AUTS2: variants seen among roughly 807,000 people sequenced by gnomAD.
AUTS2 encodes activator of transcription and developmental regulator AUTS2.
Under a neutral mutation model 112.4 loss-of-function variants are expected in AUTS2, and 17 were observed. The observed-to-expected ratio is 0.15, with a 90% CI of 0.10 to 0.23. AUTS2 has a LOEUF of 0.23. Among genes scored for constraint, AUTS2 ranks in the 10% least tolerant of loss-of-function variants. The pLI is 1.00. For missense variants in AUTS2, 1,510 were observed against 1,701.6 expected (o/e 0.89, Z 1.98); for synonymous variants, 751 against 702.7 (o/e 1.07, Z -1.09).
At chr7:70,298,492 T>C (rs1031772588) in intron 4 of AUTS2, among the ~76,000 whole-genome samples, 1 of 152,206 alleles carries the variant, frequency 6.6e-6, no homozygotes. Context: ...CTTTTATCAC[T>C]AGATGTTCCC....
chr7:70,410,595 T>G (rs1164617510), intron 4 of AUTS2, among the ~76,000 whole-genome samples: 1 of 151,616 alleles, frequency 6.6e-6, no homozygotes, highest in Admixed American at 6.6e-5. Flanking sequence ...GGCTAATTTT[T>G]GTATGCTTTG....
intron 4 of AUTS2, among the ~76,000 whole-genome samples, chr7:70,406,602 A>G (rs1794546010): frequency 6.6e-6 from 1 of 152,208 alleles, no homozygotes; most frequent in South Asian, 2.1e-4. Flanking sequence ...AGCCATTACG[A>G]GGCTGCTGGG....
At chr7:70,440,289 T>C (rs913009198) in intron 5 of AUTS2, among the ~76,000 whole-genome samples, 8 of 150,220 alleles carry the variant, frequency 5.3e-5, no homozygotes, top group Non-Finnish European at 1.0e-4. Context: ...GTGCCTATAG[T>C]CCCAGCTAGT....
chr7:69,785,578 T>A (rs1010295792), intron 1 of AUTS2, among the ~76,000 whole-genome samples: 1 of 152,248 alleles, frequency 6.6e-6, no homozygotes, highest in African/African-American at 2.4e-5. Context: ...GCCATAGACA[T>A]AACTCAGGGG....
At chr7:70,381,448 A>G (rs1436673721) in intron 4 of AUTS2, among the ~76,000 whole-genome samples, 1 of 152,244 alleles carries the variant, frequency 6.6e-6, no homozygotes, top group East Asian at 1.9e-4. Flanking sequence ...TGGAGCTACA[A>G]TTTATGAGAA....
At chr7:70,787,926 A>G (rs780484314) in intron 18 of AUTS2, among the ~76,000 whole-genome samples, 16 of 152,188 alleles carry the variant, frequency 1.1e-4, no homozygotes, top group Non-Finnish European at 2.1e-4. Flanking sequence ...GGGCTCACAG[A>G]TGACTAATAA....
At chr7:70,280,726 C>T (rs551483741) in intron 4 of AUTS2, among the ~76,000 whole-genome samples, 2 of 152,206 alleles carry the variant, frequency 1.3e-5, no homozygotes, top group African/African-American at 2.4e-5. Flanking sequence ...TCCCCAACCC[C>T]GACACAACAA....
intron 5 of AUTS2, among the ~76,000 whole-genome samples, chr7:70,544,863 C>G (rs1434233351): frequency 6.6e-6 from 1 of 152,092 alleles, no homozygotes; most frequent in African/African-American, 2.4e-5. Context: ...GCTTATTTAC[C>G]TGGGTCTCAG....
intron 4 of AUTS2, among the ~76,000 whole-genome samples, chr7:70,283,614 T>C (rs1429857278): frequency 2.0e-5 from 3 of 152,148 alleles, no homozygotes; most frequent in African/African-American, 7.2e-5. Flanking sequence ...ATACTTCTAT[T>C]TGGTTATAGT....
chr7:70,340,301 A>G (rs1409791079), intron 4 of AUTS2, among the ~76,000 whole-genome samples: 3 of 152,100 alleles, frequency 2.0e-5, no homozygotes, highest in Non-Finnish European at 4.4e-5. Flanking sequence ...TATATGCATA[A>G]GGGATGAGGT....
chr7:70,411,920 CTTT>C (rs545022866), intron 4 of AUTS2, among the ~76,000 whole-genome samples: 2 of 130,890 alleles, frequency 1.5e-5, no homozygotes, highest in Admixed American at 7.8e-5. Context: ...TTCCTTTTTT[CTTT>C]TTTTTTTTTT....
At chr7:69,773,874 A>G (rs1343168168) in intron 1 of AUTS2, among the ~76,000 whole-genome samples, 1 of 152,188 alleles carries the variant, frequency 6.6e-6, no homozygotes, top group African/African-American at 2.4e-5. Flanking sequence ...CAGTGGGGCT[A>G]AGGGGAATCC....
intron 5 of AUTS2, among the ~76,000 whole-genome samples, chr7:70,517,464 A>G (rs1314120691): frequency 6.6e-6 from 1 of 152,044 alleles, no homozygotes; most frequent in Non-Finnish European, 1.5e-5. Flanking sequence ...ATGAGTTTTT[A>G]GGGAATCTAC....
intron 4 of AUTS2, among the ~76,000 whole-genome samples, chr7:70,242,844 G>A (rs908353164): frequency 6.6e-6 from 1 of 152,168 alleles, no homozygotes; most frequent in Non-Finnish European, 1.5e-5. Context: ...AAAAGAAAGA[G>A]AGCAAGAGAG....
intron 2 of AUTS2, among the ~76,000 whole-genome samples, chr7:69,960,570 T>A (rs1192865209): frequency 6.6e-6 from 1 of 152,178 alleles, no homozygotes; most frequent in Non-Finnish European, 1.5e-5. Flanking sequence ...TATATAGAAG[T>A]AAGTATTTAC....
At chr7:70,269,849 T>C (rs1196078228) in intron 4 of AUTS2, among the ~76,000 whole-genome samples, 1 of 152,208 alleles carries the variant, frequency 6.6e-6, no homozygotes, top group African/African-American at 2.4e-5. Flanking sequence ...GCTTCCTTTT[T>C]TACTCCTATA....
intron 1 of AUTS2, among the ~76,000 whole-genome samples, chr7:69,667,090 T>C (rs1372078023): frequency 6.6e-6 from 1 of 152,132 alleles, no homozygotes; most frequent in Non-Finnish European, 1.5e-5. Flanking sequence ...GTGGGGACTC[T>C]ACAAAGTCCT....
At chr7:70,262,948 C>CTGAT (rs920319250) in intron 4 of AUTS2, among the ~76,000 whole-genome samples, 18 of 152,236 alleles carry the variant, frequency 1.2e-4, no homozygotes, top group African/African-American at 4.3e-4. Flanking sequence ...TCAGATTTAT[C>CTGAT]AAATTTGGAA....
intron 5 of AUTS2, among the ~76,000 whole-genome samples, chr7:70,687,346 A>AT (rs1400332785): frequency 6.6e-6 from 1 of 152,200 alleles, no homozygotes; most frequent in Non-Finnish European, 1.5e-5. Flanking sequence ...CCTACAGCCA[A>AT]TTGGGTGACA....
Sources: allele counts gnomAD v4.1 joint callset (sites outside exome capture counted in the v4.1 genomes callset), GRCh38; gene constraint gnomAD v4.1.1; transcripts MANE v1.5; gene names NCBI Gene and HGNC (gene_info 2026-07-23, HGNC 2026-07-21).